The following ANK3 variants were observed in gnomAD, a reference collection of about 807,000 sequenced individuals.
ANK3 encodes ankyrin 3, also known as ankyrin-3.
In ANK3, 57 loss-of-function variants were observed where a neutral mutation model predicts 370.9. The ratio of observed to expected loss-of-function variants is 0.15; its 90% CI spans 0.12 to 0.19. The LOEUF (loss-of-function observed/expected upper bound fraction) is 0.19. Among genes scored for constraint, ANK3 ranks in the 10% least tolerant of loss-of-function variants. The pLI is 1.00. For synonymous variants in ANK3, 1,929 were observed against 1,946.3 expected (o/e 0.99, Z 0.23); for missense variants, 4,439 against 5,302.1 (o/e 0.84, Z 5.06).
chr10:60,308,428 A>G (rs2045646444), intron 1 of ANK3, among the ~76,000 whole-genome samples: 1 of 150,574 alleles, frequency 6.6e-6, no homozygotes, highest in African/African-American at 2.4e-5. Flanking sequence ...GGCGTGCACC[A>G]GCACGCCTGG....
chr10:60,397,192 T>G (rs556898411), intron 2 of ANK3, among the ~76,000 whole-genome samples: 1 of 141,500 alleles, frequency 7.1e-6, no homozygotes, highest in Non-Finnish European at 1.5e-5. Flanking sequence ...GTCATACTTA[T>G]AGTAGGATTA....
At chr10:60,104,215 G>C (rs1034001933) in intron 28 of ANK3, among the ~76,000 whole-genome samples, 3 of 151,550 alleles carry the variant, frequency 2.0e-5, no homozygotes, top group Non-Finnish European at 4.4e-5. Flanking sequence ...TACACGTGTA[G>C]GTTTGAGTTT....
intron 4 of ANK3, among the ~76,000 whole-genome samples, chr10:60,277,064 G>A (rs1437448714): frequency 6.6e-6 from 1 of 152,148 alleles, no homozygotes; most frequent in African/African-American, 2.4e-5. Context: ...CATGTAACAG[G>A]GATCTAGAAT....
chr10:60,125,248 T>C (rs2093696195), intron 25 of ANK3, among the ~76,000 whole-genome samples: 1 of 152,194 alleles, frequency 6.6e-6, no homozygotes, highest in African/African-American at 2.4e-5. Context: ...ATTTCGTTCA[T>C]TAAATTTCCG....
chr10:60,337,175 A>G (rs1002475744), intron 1 of ANK3, among the ~76,000 whole-genome samples: 1 of 152,210 alleles, frequency 6.6e-6, no homozygotes, highest in Non-Finnish European at 1.5e-5. Flanking sequence ...TTATGAAACA[A>G]TAAGATAACA....
intron 2 of ANK3, among the ~76,000 whole-genome samples, chr10:60,576,911 C>T (rs1379001250): frequency 6.6e-6 from 1 of 152,198 alleles, no homozygotes; most frequent in East Asian, 1.9e-4. Flanking sequence ...CTCTGAAGAG[C>T]TTTCTTTGCA....
rs1345087109 is a variant in ANK3 at position 60,026,949 on chromosome 10, A to G, written c.*2897T>C. The G allele has an allele frequency of 6.6e-6, 1 of 152,242 alleles. No homozygotes were observed. Among genetic ancestry groups the G allele is most frequent in the Non-Finnish European group, 1.5e-5 (1 of 68,042 alleles). 9.4% of individuals were successfully genotyped at this position (152,242 alleles called of 1,614,324 possible). On this transcript the variant is annotated 3_prime_UTR_variant, in exon 44 of 44. Coordinates refer to ENST00000280772, the MANE Select transcript of ANK3 (RefSeq NM_020987.5). ...CTGGCAGGCCAAATATTATGTTAGA[A>G]ATACATAATGTCACATTCAATCTAC...
intron 1 of ANK3, among the ~76,000 whole-genome samples, chr10:60,361,390 G>A (rs1466332333): frequency 6.6e-6 from 1 of 152,204 alleles, no homozygotes; most frequent in African/African-American, 2.4e-5. Context: ...ATTTCAAAGT[G>A]AGAGTTTTAA....
At chr10:60,571,053 A>C (rs1595301254) in intron 2 of ANK3, among the ~76,000 whole-genome samples, 1 of 104,832 alleles carries the variant, frequency 9.5e-6, no homozygotes, top group African/African-American at 3.1e-5. Flanking sequence ...CAAACCTGAC[A>C]GGTTTTTTTT....
chr10:60,658,958 G>A (rs1057014212), intron 1 of ANK3, among the ~76,000 whole-genome samples: 1 of 151,722 alleles, frequency 6.6e-6, no homozygotes, highest in Non-Finnish European at 1.5e-5. Context: ...GAGGCAGGCA[G>A]GAGGAGAGGA....
rs561193616 is a variant in ANK3 at position 60,495,447 on chromosome 10, C to T, written c.96+119739G>A. ...TAGACACATTACAGTTTGAGAAGCA[C>T]ACTTCTAGAGTATCCTCCATTTGAC... is the stretch of plus-strand genomic sequence containing the variant. On this transcript the variant is annotated intron_variant, in intron 2 of 43. Coordinates refer to the ANK3 transcript ENST00000373827. Among the ~76,000 whole-genome samples, 802 of 152,238 alleles carry T rather than the reference C, an allele frequency of 5.3e-3. 9 individuals are homozygous for T. The highest frequency in any genetic ancestry group is 0.018 in the African/African-American group (760 of 41,548).
chr10:60,670,749 A>G (rs2079055189), intron 1 of ANK3, among the ~76,000 whole-genome samples: 1 of 152,202 alleles, frequency 6.6e-6, no homozygotes, highest in South Asian at 2.1e-4. Context: ...TTTGTCCAAA[A>G]TAAAATGCAC....
At chr10:60,030,634 C>T (rs972821236) in intron 43 of ANK3, among the ~76,000 whole-genome samples, 8 of 152,082 alleles carry the variant, frequency 5.3e-5, no homozygotes, top group African/African-American at 1.9e-4. Context: ...AGAGCCTTGG[C>T]GTCACCCCAT....
At chr10:60,320,216 T>C (rs953436672) in intron 1 of ANK3, among the ~76,000 whole-genome samples, 1 of 152,196 alleles carries the variant, frequency 6.6e-6, no homozygotes, top group Non-Finnish European at 1.5e-5. Context: ...GCTTTGCCCA[T>C]GATGGGTACC....
intron 21 of ANK3, among the ~76,000 whole-genome samples, chr10:60,168,268 C>T (rs2095678254): frequency 6.6e-6 from 1 of 152,208 alleles, no homozygotes; most frequent in Non-Finnish European, 1.5e-5. Context: ...TCAGGTGATC[C>T]ACCTGCCTCA....
At chr10:60,437,689 G>A (rs981297117) in intron 2 of ANK3, among the ~76,000 whole-genome samples, 2 of 152,222 alleles carry the variant, frequency 1.3e-5, no homozygotes, top group Non-Finnish European at 2.9e-5. Flanking sequence ...CCTACAGTGT[G>A]CATAAGGGGG....
At chr10:60,521,977 G>A (rs1474128357) in intron 2 of ANK3, among the ~76,000 whole-genome samples, 1 of 152,088 alleles carries the variant, frequency 6.6e-6, no homozygotes, top group Non-Finnish European at 1.5e-5. Context: ...AGACTAGGTA[G>A]CATTGCTGCC....
At chr10:60,579,703 G>A (rs1438232821) in intron 2 of ANK3, among the ~76,000 whole-genome samples, 1 of 152,062 alleles carries the variant, frequency 6.6e-6, no homozygotes, top group Admixed American at 6.6e-5. Flanking sequence ...TAGTCTTCTG[G>A]ATTTGTCATG....
At chr10:60,497,551 A>G (rs2075690059) in intron 2 of ANK3, among the ~76,000 whole-genome samples, 1 of 152,186 alleles carries the variant, frequency 6.6e-6, no homozygotes, top group Non-Finnish European at 1.5e-5. Flanking sequence ...CAACATATAC[A>G]TGATTGATTT....
Sources: gnomAD v4.1 joint callset for allele counts (sites outside exome capture counted in the v4.1 genomes callset) on GRCh38, gnomAD v4.1.1 for gene constraint, MANE v1.5 for transcripts, NCBI Gene and HGNC (gene_info 2026-07-23, HGNC 2026-07-21) for gene names.